NKAIN2: variants seen among roughly 807,000 people sequenced by gnomAD.
NKAIN2 encodes sodium/potassium transporting ATPase interacting 2.
NKAIN2 carries 14 observed loss-of-function variants against 32.6 expected under a neutral mutation model. The observed-to-expected ratio is 0.43, with a 90% confidence interval of 0.28 to 0.67. The LOEUF (loss-of-function observed/expected upper bound fraction) is 0.67, where lower values mean the gene tolerates loss of function less well. Ranked by LOEUF, NKAIN2 falls within the 30% of genes least tolerant of loss-of-function variation. NKAIN2 has a pLI of 0.17. For missense variants in NKAIN2, 198 were observed against 258.3 expected, an observed-to-expected ratio of 0.77 and a Z score of 1.60; for synonymous variants, 80 against 87.2, an observed-to-expected ratio of 0.92 and a Z score of 0.46.
intron 1 of NKAIN2, among the ~76,000 whole-genome samples, chr6:124,156,280 A>G (rs1422623624): frequency 6.6e-6 from 1 of 152,176 alleles, no homozygotes; most frequent in East Asian, 1.9e-4. Flanking sequence ...TTACCAGAGT[A>G]GAGGAGGTGG....
At chr6:124,134,779 A>G (rs1040709436) in intron 1 of NKAIN2, among the ~76,000 whole-genome samples, 3 of 152,198 alleles carry the variant, frequency 2.0e-5, no homozygotes, top group African/African-American at 7.2e-5. Context: ...ATCCAAATAC[A>G]AGAAGCTCAG....
At chr6:124,414,081 C>G (rs1404324210) in intron 3 of NKAIN2, among the ~76,000 whole-genome samples, 1 of 151,702 alleles carries the variant, frequency 6.6e-6, no homozygotes, top group African/African-American at 2.4e-5. Context: ...AATAAGAATG[C>G]TGAGAGTAGA....
At chr6:124,072,952 A>G (rs1182504873) in intron 1 of NKAIN2, among the ~76,000 whole-genome samples, 1 of 152,092 alleles carries the variant, frequency 6.6e-6, no homozygotes, top group African/African-American at 2.4e-5. Flanking sequence ...TGTCTCTATC[A>G]TTTTTGGACC....
intron 4 of NKAIN2, among the ~76,000 whole-genome samples, chr6:124,662,597 G>T (rs1784788527): frequency 6.6e-6 from 1 of 152,210 alleles, no homozygotes; most frequent in Non-Finnish European, 1.5e-5. Context: ...TAAAGTCACA[G>T]ATGTGTTTAG....
chr6:124,809,325 G>A (rs560314538), intron 5 of NKAIN2, among the ~76,000 whole-genome samples: 3,662 of 149,084 alleles, frequency 0.025, 65 homozygotes, highest in Middle Eastern at 0.082. Flanking sequence ...CAGAAATAAC[G>A]CCACATATCT....
At chr6:124,526,796 A>G (rs1411906090) in intron 3 of NKAIN2, among the ~76,000 whole-genome samples, 2 of 151,926 alleles carry the variant, frequency 1.3e-5, no homozygotes, top group East Asian at 3.9e-4. Flanking sequence ...AGCTAGTGTT[A>G]TTTTTTTTAC....
intron 2 of NKAIN2, among the ~76,000 whole-genome samples, chr6:124,296,548 TA>T (rs746184743): frequency 6.6e-6 from 1 of 152,176 alleles, no homozygotes; most frequent in East Asian, 1.9e-4. Context: ...ATGAGGTATG[TA>T]AAACTTATAT....
intron 1 of NKAIN2, among the ~76,000 whole-genome samples, chr6:123,906,343 T>TGC (rs1562250259): frequency 1.3e-5 from 2 of 149,518 alleles, no homozygotes; most frequent in African/African-American, 4.9e-5. Flanking sequence ...AGTACAGTGG[T>TGC]GCGATCATGG....
At chr6:124,247,474 G>A (rs1793470140) in intron 1 of NKAIN2, among the ~76,000 whole-genome samples, 1 of 152,106 alleles carries the variant, frequency 6.6e-6, no homozygotes, top group African/African-American at 2.4e-5. Flanking sequence ...TCCACTAGTA[G>A]AGAATAATTT....
At chr6:123,847,637 C>G (rs1051950305) in intron 1 of NKAIN2, among the ~76,000 whole-genome samples, 2 of 152,002 alleles carry the variant, frequency 1.3e-5, no homozygotes, top group Admixed American at 1.3e-4. Flanking sequence ...CATGAGGATC[C>G]CATTTGTGAG....
At chr6:123,805,072 A>G (rs1217239149) in intron 1 of NKAIN2, among the ~76,000 whole-genome samples, 1 of 152,230 alleles carries the variant, frequency 6.6e-6, no homozygotes, top group South Asian at 2.1e-4. Flanking sequence ...CATGTCTCTG[A>G]ATTTCAATTC....
chr6:124,754,468 T>C (rs1041936544), intron 4 of NKAIN2, among the ~76,000 whole-genome samples: 2 of 132,248 alleles, frequency 1.5e-5, no homozygotes, highest in Non-Finnish European at 3.3e-5. Flanking sequence ...ACATGAACAC[T>C]TTTTTTTCCA....
chr6:123,907,164 A>G (rs1774920813), intron 1 of NKAIN2, among the ~76,000 whole-genome samples: 1 of 152,160 alleles, frequency 6.6e-6, no homozygotes, highest in East Asian at 1.9e-4. Context: ...GGTTACTGTC[A>G]TGTTTCACTT....
chr6:124,599,025 T>C (rs930726768), intron 3 of NKAIN2, among the ~76,000 whole-genome samples: 2 of 151,694 alleles, frequency 1.3e-5, no homozygotes, highest in Non-Finnish European at 2.9e-5. Flanking sequence ...ATCTATTTTT[T>C]TTTTTTTTTG....
chr6:123,999,568 A>G (rs544044470), intron 1 of NKAIN2, among the ~76,000 whole-genome samples: 1 of 152,334 alleles, frequency 6.6e-6, no homozygotes, highest in Non-Finnish European at 1.5e-5. Flanking sequence ...TGATTTAAGT[A>G]TAACTTTTCA....
At chr6:124,739,001 A>G (rs1174509424) in intron 4 of NKAIN2, among the ~76,000 whole-genome samples, 2 of 151,904 alleles carry the variant, frequency 1.3e-5, no homozygotes, top group Non-Finnish European at 2.9e-5. Flanking sequence ...TGTGTTTAAT[A>G]TATTCTCTTA....
chr6:123,877,469 T>C (rs367576114), intron 1 of NKAIN2, among the ~76,000 whole-genome samples: 2 of 152,210 alleles, frequency 1.3e-5, no homozygotes, highest in East Asian at 1.9e-4. Context: ...GATGGGCATA[T>C]GGAATGTATG....
intron 1 of NKAIN2, among the ~76,000 whole-genome samples, chr6:124,075,418 T>G (rs565427498): frequency 6.6e-6 from 1 of 152,202 alleles, no homozygotes; most frequent in African/African-American, 2.4e-5. Context: ...ATTAATTGTA[T>G]TGTTTTCAGA....
chr6:124,588,594 A>G (rs1383088248), intron 3 of NKAIN2, among the ~76,000 whole-genome samples: 3 of 152,178 alleles, frequency 2.0e-5, no homozygotes, highest in Admixed American at 6.5e-5. Flanking sequence ...TTTCAATTAT[A>G]TATATTAATA....
Sources: allele counts gnomAD v4.1 joint callset (sites outside exome capture counted in the v4.1 genomes callset), GRCh38; gene constraint gnomAD v4.1.1; transcripts MANE v1.5; gene names NCBI Gene and HGNC (gene_info 2026-07-23, HGNC 2026-07-21).